DLGAP2: variants seen among roughly 807,000 people sequenced by gnomAD.
The protein encoded by DLGAP2 is DLG associated protein 2.
DLGAP2 carries 26 observed loss-of-function variants against 100.3 expected under a neutral mutation model. The ratio of observed to expected loss-of-function variants is 0.26; its 90% CI spans 0.19 to 0.36. The LOEUF (loss-of-function observed/expected upper bound fraction) is 0.36. Among genes scored for constraint, DLGAP2 ranks in the 10% least tolerant of loss-of-function variants. The pLI, the probability that DLGAP2 is intolerant of heterozygous loss-of-function variation, is 1.00. For synonymous variants in DLGAP2, 886 were observed against 630.1 expected, an observed-to-expected ratio of 1.41 and a Z score of -6.08; for missense variants, 1,858 against 1,453.2, an observed-to-expected ratio of 1.28 and a Z score of -4.53.
intron 2 of DLGAP2, among the ~76,000 whole-genome samples, chr8:1,239,579 C>T (rs1244581954): frequency 1.4e-4 from 16 of 110,462 alleles, no homozygotes; most frequent in Middle Eastern, 4.5e-3. Context: ...CACATGGCGC[C>T]GTGTCTAGTT....
At chr8:1,197,868 C>T (rs1015608068) in intron 2 of DLGAP2, among the ~76,000 whole-genome samples, 1 of 152,218 alleles carries the variant, frequency 6.6e-6, no homozygotes, top group African/African-American at 2.4e-5. Flanking sequence ...TTCTCGTCTC[C>T]TGGGCCCCCT....
intron 6 of DLGAP2, among the ~76,000 whole-genome samples, chr8:1,619,414 A>G (rs1271204471): frequency 1.3e-5 from 2 of 152,240 alleles, no homozygotes; most frequent in Non-Finnish European, 2.9e-5. Context: ...TTCACTGTCT[A>G]TCAATTTTCT....
chr8:906,690 C>G (rs1798387648), intron 1 of DLGAP2, among the ~76,000 whole-genome samples: 1 of 152,180 alleles, frequency 6.6e-6, no homozygotes, highest in Admixed American at 6.5e-5. Context: ...ATGGTTATCA[C>G]AAGGCTTAGC....
At chr8:1,086,057 T>C (rs758708323) in intron 2 of DLGAP2, among the ~76,000 whole-genome samples, 9 of 152,346 alleles carry the variant, frequency 5.9e-5, no homozygotes, top group African/African-American at 2.2e-4. Flanking sequence ...TTGATTTCTT[T>C]TTTAGAAAGT....
intron 2 of DLGAP2, among the ~76,000 whole-genome samples, chr8:913,864 C>A (rs1017729482): frequency 1.3e-4 from 20 of 152,218 alleles, no homozygotes; most frequent in African/African-American, 4.8e-4. Flanking sequence ...GGACCGGGAA[C>A]CCTGACGTGG....
At chr8:1,234,921 T>G (rs544768560) in intron 2 of DLGAP2, among the ~76,000 whole-genome samples, 1 of 152,350 alleles carries the variant, frequency 6.6e-6, no homozygotes, top group East Asian at 1.9e-4. Flanking sequence ...TCTAGTTCTC[T>G]CGCACACAAA....
At position 1,519,294 on chromosome 8, in the gene DLGAP2, C is replaced by T. The variant is rs949231077; in HGVS notation, c.172+17863C>T. ...CCTGAAAACCAAAAAGCATAGAACCCTTGTCTACTTGGAAATCTTAAAAAA... is the reference window on the plus strand; with the variant it reads ...CCTGAAAACCAAAAAGCATAGAACCTTTGTCTACTTGGAAATCTTAAAAAA... On this transcript the variant is annotated intron_variant, in intron 4 of 14. Transcript: ENST00000637795. Among the ~76,000 whole-genome samples the T allele has an allele frequency of 3.0e-5, 4 of 132,110 alleles. No homozygotes were observed. In the Admixed American group the frequency reaches 3.3e-4, roughly 11 times the overall value. The allele number at this position is 132,110 out of a possible 152,430, so 86.7% of individuals were successfully genotyped here.
chr8:1,438,909 G>A (rs575708953), intron 3 of DLGAP2, among the ~76,000 whole-genome samples: 1 of 152,052 alleles, frequency 6.6e-6, no homozygotes, highest in South Asian at 2.1e-4. Flanking sequence ...TTTTTTACTA[G>A]AAAAAAGCAC....
chr8:738,637 GC>G (rs1345486638), intron 1 of DLGAP2: 2 of 152,440 alleles, frequency 1.3e-5, no homozygotes, highest in African/African-American at 2.4e-5. Context: ...GGGCTGGGGG[GC>G]GGCGGACGCG....
At chr8:1,117,082 C>CTT (rs1805141125) in intron 2 of DLGAP2, among the ~76,000 whole-genome samples, 1 of 152,162 alleles carries the variant, frequency 6.6e-6, no homozygotes, top group African/African-American at 2.4e-5. Flanking sequence ...TTAAAATTTG[C>CTT]TACAGCAATT....
At chr8:1,682,453 G>A (rs777504438) in intron 12 of DLGAP2, among the ~76,000 whole-genome samples, 9 of 151,206 alleles carry the variant, frequency 6.0e-5, no homozygotes, top group Non-Finnish European at 1.3e-4. Flanking sequence ...TCAACAGTAA[G>A]ATTCCAAAAT....
intron 8 of DLGAP2, among the ~76,000 whole-genome samples, chr8:1,661,890 G>C (rs1009183699): frequency 2.0e-5 from 3 of 152,228 alleles, no homozygotes; most frequent in Non-Finnish European, 2.9e-5. Flanking sequence ...CTGAAACAGA[G>C]AGCCAGATCT....
intron 1 of DLGAP2, among the ~76,000 whole-genome samples, chr8:826,965 G>T (rs1796695402): frequency 6.6e-6 from 1 of 152,204 alleles, no homozygotes; most frequent in African/African-American, 2.4e-5. Flanking sequence ...CAGAACTACA[G>T]AAGGGCTTAC....
At chr8:1,355,093 G>A (rs1201646846) in intron 3 of DLGAP2, among the ~76,000 whole-genome samples, 1 of 152,354 alleles carries the variant, frequency 6.6e-6, no homozygotes, top group East Asian at 1.9e-4. Flanking sequence ...GGATGATTCT[G>A]TGGATGAAGG....
At chr8:835,340 G>C (rs997264329) in intron 1 of DLGAP2, among the ~76,000 whole-genome samples, 1 of 151,844 alleles carries the variant, frequency 6.6e-6, no homozygotes, top group Non-Finnish European at 1.5e-5. Context: ...CCAACATTTG[G>C]GGTTTGAAGT....
intron 2 of DLGAP2, among the ~76,000 whole-genome samples, chr8:1,018,294 A>T (rs1399629794): frequency 6.6e-6 from 1 of 152,186 alleles, no homozygotes; most frequent in Admixed American, 6.5e-5. Context: ...ATTCCGGCTG[A>T]TGTTCAGTGT....
Position 1,702,357 on chromosome 8 carries a change from A to C in DLGAP2, c.*951A>C, listed in dbSNP as rs1799597626. On this transcript the variant is annotated 3_prime_UTR_variant, in exon 15 of 15. Coordinates refer to ENST00000637795, the MANE Select transcript of DLGAP2 (RefSeq NM_001346810.2). ...GCTCTATCAGCTGACTTTTCAGGGT[A>C]TCCTTAAAAAAAAACACACACGAAA... The C allele has an allele frequency of 7.5e-6, 1 of 133,984 alleles. No homozygotes were observed. The highest frequency in any genetic ancestry group is 1.7e-5 in the Non-Finnish European group (1 of 60,498). 8.3% of individuals were successfully genotyped at this position (133,984 alleles called of 1,614,324 possible). A position where few individuals can be genotyped will look rare whatever the true frequency, so the allele number is the denominator to read the frequency against.
intron 3 of DLGAP2, among the ~76,000 whole-genome samples, chr8:1,465,175 C>G (rs1349744323): frequency 6.6e-6 from 1 of 152,240 alleles, no homozygotes; most frequent in Non-Finnish European, 1.5e-5. Flanking sequence ...TGATCACAAG[C>G]TCCAGGAGCT....
intron 8 of DLGAP2, among the ~76,000 whole-genome samples, chr8:1,640,031 G>A (rs191602372): frequency 2.6e-4 from 39 of 152,336 alleles, no homozygotes; most frequent in African/African-American, 9.1e-4. Context: ...TTTTGGAGGG[G>A]CGTTATTCTG....
Sources: allele counts gnomAD v4.1 joint callset (sites outside exome capture counted in the v4.1 genomes callset), GRCh38; gene constraint gnomAD v4.1.1; transcripts MANE v1.5; gene names NCBI Gene and HGNC (gene_info 2026-07-23, HGNC 2026-07-21).